Variants in KL observed in about 807,000 individuals in gnomAD.
KL encodes klotho.
KL carries 62 observed loss-of-function variants against 84.2 expected under a neutral mutation model. The ratio of observed to expected loss-of-function variants is 0.74; its 90% CI spans 0.60 to 0.91. The LOEUF (loss-of-function observed/expected upper bound fraction) is 0.91. Among genes scored for constraint, KL ranks in the 40% least tolerant of loss-of-function variants. The probability of loss-of-function intolerance (pLI) is 0.00; values close to 1 mark genes in which losing one functional copy is unlikely to be tolerated. For missense variants in KL, 1,261 were observed against 1,305.7 expected, an observed-to-expected ratio of 0.97 and a Z score of 0.53; for synonymous variants, 528 against 528.0, an observed-to-expected ratio of 1.00 and a Z score of 0.00.
chr13:33,022,812 C>T (rs1038833651), intron 1 of KL, among the ~76,000 whole-genome samples: 8 of 152,160 alleles, frequency 5.3e-5, no homozygotes, highest in Non-Finnish European at 7.4e-5. Context: ...GAAAGAAATA[C>T]AATTTTTAAT....
At chr13:33,025,176 C>G (rs1257277657) in intron 1 of KL, among the ~76,000 whole-genome samples, 1 of 152,088 alleles carries the variant, frequency 6.6e-6, no homozygotes, top group African/African-American at 2.4e-5. Flanking sequence ...TGCTTAGGAA[C>G]CTATTTCAAG....
chr13:33,053,338 C>G (rs568189888), intron 1 of KL, among the ~76,000 whole-genome samples: 1 of 152,320 alleles, frequency 6.6e-6, no homozygotes, highest in South Asian at 2.1e-4. Context: ...AACTCCCAGT[C>G]TCAGGATAAA....
Position 33,030,768 on chromosome 13 carries a change from A to G in KL, c.819+13509A>G, listed in dbSNP as rs540693276. Reference sequence around the variant, plus strand: ...GCAAACCAGGGAAAATAAATTATGCAGGAAATTAAACACATACACAAACTG... The same window carrying G: ...GCAAACCAGGGAAAATAAATTATGCGGGAAATTAAACACATACACAAACTG... On this transcript the variant is annotated intron_variant, in intron 1 of 4. Transcript: ENST00000380099. Among the ~76,000 whole-genome samples the G allele has an allele frequency of 1.1e-4, 17 of 152,344 alleles. No individual in the cohort carries two copies. In the East Asian group the frequency reaches 3.1e-3, roughly 28 times the overall value.
At chr13:33,043,133 A>C (rs1296292217) in intron 1 of KL, among the ~76,000 whole-genome samples, 1 of 152,190 alleles carries the variant, frequency 6.6e-6, no homozygotes. Context: ...AGAAACTGTC[A>C]AATAGTTTTC....
chr13:33,040,243 A>G (rs141246962), intron 1 of KL, among the ~76,000 whole-genome samples: 70 of 152,344 alleles, frequency 4.6e-4, no homozygotes, highest in African/African-American at 1.6e-3. Flanking sequence ...GCTGATAGAA[A>G]TAAGAGAAAT....
chr13:33,032,292 A>C (rs1163515173), intron 1 of KL, among the ~76,000 whole-genome samples: 1 of 152,162 alleles, frequency 6.6e-6, no homozygotes, highest in Non-Finnish European at 1.5e-5. Flanking sequence ...CCCCAGACTT[A>C]ATTGCTTTAA....
chr13:33,059,275 G>A (rs1014447582), intron 3 of KL, among the ~76,000 whole-genome samples: 9 of 152,082 alleles, frequency 5.9e-5, no homozygotes, highest in African/African-American at 2.2e-4. Context: ...TTTATAATTT[G>A]CACACTTTTC....
intron 3 of KL, among the ~76,000 whole-genome samples, chr13:33,059,507 C>G (rs2138240546): frequency 6.6e-6 from 1 of 151,920 alleles, no homozygotes; most frequent in Admixed American, 6.6e-5. Flanking sequence ...AAGTCTCGCT[C>G]TGTCACTCAG....
In KL at chr13:33,017,387, C is replaced by G. The variant is rs554596068; in HGVS notation, c.819+128C>G. ...CACTTGGACACGTGTATGTGGTCAC[C>G]GGGGGAAACTGAGCAGTTCTGACTT... is the stretch of plus-strand genomic sequence containing the variant. On this transcript the variant is annotated intron_variant, in intron 1 of 4. Transcript: ENST00000380099. 2.6e-4 allele frequency: 232 copies of G among 889,102 alleles called. 2 individuals carry two copies. In the South Asian group the frequency reaches 3.9e-3, roughly 15 times the overall value. 55.1% of individuals were successfully genotyped at this position (889,102 alleles called of 1,614,324 possible).
chr13:33,044,570 T>C (rs1295287088), intron 1 of KL, among the ~76,000 whole-genome samples: 1 of 151,928 alleles, frequency 6.6e-6, no homozygotes, highest in African/African-American at 2.4e-5. Context: ...TTGGTACCAC[T>C]GTAAGTGGCA....
intron 1 of KL, among the ~76,000 whole-genome samples, chr13:33,035,497 T>C (rs1222214884): frequency 6.6e-6 from 1 of 152,210 alleles, no homozygotes; most frequent in Non-Finnish European, 1.5e-5. Context: ...CTAATAGATG[T>C]TTACTGAAAA....
rs758550886 is a variant in KL at position 33,017,020 on chromosome 13, T to G, written c.580T>G (p.Trp194Gly). The change falls in exon 1 of 5, where the codon TGG (tryptophan) becomes GGG (glycine). Residue 194 changes from tryptophan (W) to glycine (G), a missense_variant. Transcript: ENST00000380099. ...GVQPVVTLYHWDLPQRLQDAY... is the reference protein window; with the variant it reads ...GVQPVVTLYHGDLPQRLQDAY... Reference sequence around the variant, plus strand: ...GCAGCCCGTGGTCACCCTGTACCACTGGGACCTGCCCCAGCGCCTGCAGGA... The same window carrying G: ...GCAGCCCGTGGTCACCCTGTACCACGGGGACCTGCCCCAGCGCCTGCAGGA... The G allele has an allele frequency of 6.3e-7, 1 of 1,597,018 alleles. No homozygotes were observed. Among genetic ancestry groups the G allele is most frequent in the Non-Finnish European group, 8.5e-7 (1 of 1,175,614 alleles).
chr13:33,040,029 G>A (rs760560793), intron 1 of KL, among the ~76,000 whole-genome samples: 16 of 152,172 alleles, frequency 1.1e-4, no homozygotes, highest in Non-Finnish European at 1.9e-4. Flanking sequence ...TGGGTGTCAG[G>A]GAAAGCAGAT....
intron 1 of KL, among the ~76,000 whole-genome samples, chr13:33,043,776 A>G (rs763845492): frequency 3.9e-5 from 6 of 152,224 alleles, no homozygotes; most frequent in Non-Finnish European, 8.8e-5. Flanking sequence ...TATACTAATC[A>G]TAAACAAAAA....
chr13:33,045,621 C>T (rs189339613), intron 1 of KL, among the ~76,000 whole-genome samples: 94 of 152,186 alleles, frequency 6.2e-4, no homozygotes, highest in Middle Eastern at 6.8e-3. Context: ...GCTGGGATTA[C>T]AGGTGCCTGC....
intron 1 of KL, 31 bp downstream of exon 1, chr13:33,017,290 G>A (rs78569455): frequency 6.5e-7 from 1 of 1,527,052 alleles, no homozygotes; most frequent in Non-Finnish European, 8.8e-7. Context: ...GGAGGGCCAC[G>A]CAGGGGAGAC....
intron 1 of KL, among the ~76,000 whole-genome samples, chr13:33,036,019 C>T (rs955203156): frequency 7.2e-5 from 11 of 152,052 alleles, no homozygotes; most frequent in African/African-American, 2.7e-4. Flanking sequence ...CCAGATAAAA[C>T]AATCTTAAGT....
intron 1 of KL, among the ~76,000 whole-genome samples, chr13:33,050,370 T>C (rs1871697695): frequency 6.6e-6 from 1 of 152,220 alleles, no homozygotes; most frequent in Non-Finnish European, 1.5e-5. Context: ...AATAGCGACC[T>C]TCCCACACTC....
intron 1 of KL, among the ~76,000 whole-genome samples, chr13:33,043,486 C>T (rs1480650326): frequency 2.0e-5 from 3 of 152,164 alleles, no homozygotes; most frequent in African/African-American, 7.2e-5. Context: ...TCCCAAATTG[C>T]TGGGATTATA....
Sources: allele counts gnomAD v4.1 joint callset (sites outside exome capture counted in the v4.1 genomes callset), GRCh38; gene constraint gnomAD v4.1.1; transcripts MANE v1.5; gene names NCBI Gene and HGNC (gene_info 2026-07-23, HGNC 2026-07-21).